SERGEF: variants seen among roughly 807,000 people sequenced by gnomAD.
The protein encoded by SERGEF is secretion regulating guanine nucleotide exchange factor, also known as secretion-regulating guanine nucleotide exchange factor.
SERGEF carries 51 observed loss-of-function variants against 50.0 expected under a neutral mutation model. The ratio of observed to expected loss-of-function variants is 1.02; its 90% CI spans 0.81 to 1.29. SERGEF has a LOEUF of 1.29. Ranked by LOEUF, SERGEF falls within the 50% of genes most tolerant of loss-of-function variation. The pLI is 0.00. For synonymous variants in SERGEF, 205 were observed against 212.4 expected, an observed-to-expected ratio of 0.97 and a Z score of 0.30; for missense variants, 521 against 557.0, an observed-to-expected ratio of 0.94 and a Z score of 0.65.
chr11:17,864,518 ACT>A (rs1850986799), intron 10 of SERGEF, among the ~76,000 whole-genome samples: 1 of 152,136 alleles, frequency 6.6e-6, no homozygotes, highest in African/African-American at 2.4e-5. Flanking sequence ...TAAAAAAAAC[ACT>A]CTGTATTTAT....
chr11:18,012,783 G>A, intron 1 of SERGEF, 168 bp downstream of exon 1: 9 of 659,680 alleles, frequency 1.4e-5, no homozygotes, highest in East Asian at 5.8e-5. Context: ...TTCCCCGCCC[G>A]CCCGCTCCTC....
intron 8 of SERGEF, among the ~76,000 whole-genome samples, chr11:17,985,783 A>G (rs1476818335): frequency 2.0e-5 from 3 of 152,342 alleles, no homozygotes; most frequent in South Asian, 2.1e-4. Context: ...GACAATCTAT[A>G]AAGTTATTCT....
chr11:17,949,764 G>A (rs771312101), intron 9 of SERGEF, among the ~76,000 whole-genome samples: 10 of 152,126 alleles, frequency 6.6e-5, no homozygotes, highest in Non-Finnish European at 1.3e-4. Context: ...GTGCTTCAGG[G>A]ACAGCTGCTC....
At chr11:17,994,091 T>C (rs990945811) in intron 6 of SERGEF, among the ~76,000 whole-genome samples, 1 of 152,178 alleles carries the variant, frequency 6.6e-6, no homozygotes, top group African/African-American at 2.4e-5. Flanking sequence ...AAGTTCATAA[T>C]CTTCAGCATA....
intron 10 of SERGEF, among the ~76,000 whole-genome samples, chr11:17,870,051 A>G (rs1851108750): frequency 6.6e-6 from 1 of 152,138 alleles, no homozygotes; most frequent in Non-Finnish European, 1.5e-5. Flanking sequence ...TGTGATAGTG[A>G]GTAAATTCTC....
intron 10 of SERGEF, among the ~76,000 whole-genome samples, chr11:17,805,527 CAAG>C (rs1849743573): frequency 6.6e-6 from 1 of 152,206 alleles, no homozygotes. Flanking sequence ...AACCCTGAAG[CAAG>C]AAGGTCAGAG....
chr11:17,879,767 T>G (rs1010588004), intron 9 of SERGEF, among the ~76,000 whole-genome samples: 1 of 152,204 alleles, frequency 6.6e-6, no homozygotes, highest in African/African-American at 2.4e-5. Flanking sequence ...AAGTAATATA[T>G]GTTAATTAGC....
Position 18,007,961 on chromosome 11 carries a change from C to G in SERGEF, c.176G>C (p.Gly59Ala). The stretch of plus-strand genomic sequence containing the variant: ...ATTACCTGTGACAACTGCAGAGTGG[C>G]CCCCTCCTCCTGTGATCCTCCTGAC... ...RSVRRITGGGGHSAVVTDGGD... is the reference protein window; with the variant it reads ...RSVRRITGGGAHSAVVTDGGD... Residue 59 changes from glycine (G) to alanine (A), a missense_variant, in exon 2 of 11, where the codon GGC becomes GCC. Gly to Ala is a moderately conservative substitution (Grantham distance 60). Transcript: ENST00000265965. The G allele has an allele frequency of 1.9e-6, 3 of 1,613,470 alleles. No individual in the cohort carries two copies. The highest frequency in any genetic ancestry group is 2.5e-6 in the Non-Finnish European group (3 of 1,179,644).
chr11:17,950,482 G>C (rs1054545926), intron 9 of SERGEF, among the ~76,000 whole-genome samples: 2 of 152,218 alleles, frequency 1.3e-5, no homozygotes, highest in African/African-American at 4.8e-5. Context: ...AAAGAGCATA[G>C]TGCAATCAGA....
chr11:17,986,296 G>A (rs502965), intron 8 of SERGEF, among the ~76,000 whole-genome samples: 145,592 of 152,220 alleles, frequency 0.96, 69,959 homozygotes, highest in South Asian at 1. Context: ...GGTGAATCAT[G>A]TAACCGGAAA....
chr11:17,794,207 T>C (rs1414853702), intron 10 of SERGEF, among the ~76,000 whole-genome samples: 1 of 152,180 alleles, frequency 6.6e-6, no homozygotes, highest in Non-Finnish European at 1.5e-5. Flanking sequence ...GCTGAAATGT[T>C]CTGTAATTGC....
At chr11:17,825,185 A>C (rs1475205513) in intron 10 of SERGEF, among the ~76,000 whole-genome samples, 1 of 152,202 alleles carries the variant, frequency 6.6e-6, no homozygotes, top group Non-Finnish European at 1.5e-5. Flanking sequence ...GGGGACACTA[A>C]AGTAAATGAA....
intron 9 of SERGEF, among the ~76,000 whole-genome samples, chr11:17,917,768 G>A (rs530646745): frequency 6.6e-6 from 1 of 152,218 alleles, no homozygotes; most frequent in African/African-American, 2.4e-5. Flanking sequence ...AGCAGCATAG[G>A]AATGCTGGAA....
At chr11:17,940,443 T>G (rs1326326453) in intron 9 of SERGEF, among the ~76,000 whole-genome samples, 1 of 152,056 alleles carries the variant, frequency 6.6e-6, no homozygotes, top group Admixed American at 6.6e-5. Context: ...GACAATAACA[T>G]GTACATAACT....
chr11:17,805,897 T>C (rs943685557), intron 10 of SERGEF, among the ~76,000 whole-genome samples: 27 of 152,216 alleles, frequency 1.8e-4, no homozygotes, highest in African/African-American at 6.0e-4. Flanking sequence ...TTGTATGTTA[T>C]AAAGTTAGAT....
chr11:18,010,051 T>C, intron 1 of SERGEF: 2 of 1,020,120 alleles, frequency 2.0e-6, no homozygotes, highest in Non-Finnish European at 2.6e-6. Flanking sequence ...TTCAGAAATC[T>C]TTATAATTTA....
At chr11:17,979,508 T>A (rs902740598) in intron 8 of SERGEF, among the ~76,000 whole-genome samples, 1 of 152,186 alleles carries the variant, frequency 6.6e-6, no homozygotes, top group Non-Finnish European at 1.5e-5. Flanking sequence ...TGTGTTTGTG[T>A]GAGCTTCCCC....
intron 8 of SERGEF, 24 bp downstream of exon 8, chr11:17,988,573 G>C (rs756946717): frequency 1.2e-6 from 2 of 1,610,978 alleles, no homozygotes; most frequent in African/African-American, 2.7e-5. Context: ...CTTACCAACC[G>C]TAAGTTCTCT....
intron 10 of SERGEF, among the ~76,000 whole-genome samples, chr11:17,810,571 C>T (rs1849850139): frequency 6.6e-6 from 1 of 152,202 alleles, no homozygotes; most frequent in Admixed American, 6.5e-5. Context: ...TGCCTAGAAC[C>T]CAAGTCCATA....
Sources: gnomAD v4.1 joint callset for allele counts (sites outside exome capture counted in the v4.1 genomes callset) on GRCh38, gnomAD v4.1.1 for gene constraint, MANE v1.5 for transcripts, NCBI Gene and HGNC (gene_info 2026-07-23, HGNC 2026-07-21) for gene names.